The following PLAC1 variants were observed in gnomAD, a reference collection of about 807,000 sequenced individuals.
The protein encoded by PLAC1 is placenta-specific protein 1.
For synonymous variants in PLAC1, 68 were observed against 62.1 expected (o/e 1.09, Z -0.44); for missense variants, 136 against 163.2 (o/e 0.83, Z 0.91).
chrX:134,610,459 GT>G lies in PLAC1; in HGVS notation c.-130-8338del, dbSNP rs1259799680. On this transcript the variant is annotated intron_variant, in intron 1 of 2. Transcript: ENST00000359237. ...GCTTCCAGGAAACTAGATGAGAACA[GT>G]TTTCCTTGGTCCCTAATTTAGACTA... Among the ~76,000 whole-genome samples, 9 of 111,195 alleles carry G rather than the reference GT, an allele frequency of 8.1e-5. No homozygotes were observed. In the Admixed American group the frequency reaches 8.6e-4, roughly 11 times the overall value.
intron 2 of PLAC1, among the ~76,000 whole-genome samples, chrX:134,667,822 G>A: frequency 9.1e-6 from 1 of 109,787 alleles, no homozygotes; most frequent in Admixed American, 9.7e-5. Context: ...AGCTACTCAG[G>A]AGGCTGAAGC....
intron 1 of PLAC1, among the ~76,000 whole-genome samples, chrX:134,621,249 C>T (rs1166734409): frequency 2.7e-5 from 3 of 109,445 alleles, no homozygotes; most frequent in African/African-American, 1.0e-4. Flanking sequence ...AGTTCAAGAC[C>T]AGCCTGGCCA....
At chrX:134,759,962 G>A (rs1292375611) in intron 1 of PLAC1, among the ~76,000 whole-genome samples, 1 of 110,944 alleles carries the variant, frequency 9.0e-6, no homozygotes, top group Non-Finnish European at 1.9e-5. Flanking sequence ...GGGTTAAGGG[G>A]TACTTACAAA....
chrX:134,647,232 G>C (rs960771234), intron 1 of PLAC1, among the ~76,000 whole-genome samples: 1 of 111,756 alleles, frequency 8.9e-6, no homozygotes, highest in Non-Finnish European at 1.9e-5. Context: ...CAGCAGACTG[G>C]GCAGCTGGCC....
chrX:134,567,488 G>C (rs750875518), intron 2 of PLAC1, among the ~76,000 whole-genome samples: 3 of 111,687 alleles, frequency 2.7e-5, no homozygotes, highest in Non-Finnish European at 5.6e-5. Context: ...GAAAGGGGCG[G>C]CTTATGCCCA....
At chrX:134,699,201 A>G (rs2078574521) in intron 2 of PLAC1, among the ~76,000 whole-genome samples, 1 of 111,699 alleles carries the variant, frequency 9.0e-6, no homozygotes, top group Non-Finnish European at 1.9e-5. Context: ...CCAATCCAAC[A>G]GTATTAAGAG....
intron 1 of PLAC1, among the ~76,000 whole-genome samples, chrX:134,754,694 C>T (rs4529619): frequency 0.029 from 3,152 of 108,415 alleles, 48 homozygotes; most frequent in Middle Eastern, 0.077. Context: ...ATTTAATCAA[C>T]AGGCACTCAT....
chrX:134,571,653 C>CA (rs950739839), intron 2 of PLAC1, among the ~76,000 whole-genome samples: 4 of 111,411 alleles, frequency 3.6e-5, no homozygotes, highest in South Asian at 3.7e-4. Context: ...CTCAGGACCC[C>CA]AAAAAAATCC....
chrX:134,707,977 A>G (rs1478342120), intron 2 of PLAC1, among the ~76,000 whole-genome samples: 2 of 112,284 alleles, frequency 1.8e-5, no homozygotes, highest in African/African-American at 3.2e-5. Context: ...ACACAAAGAC[A>G]TAACTCTAAA....
At chrX:134,660,313 C>T (rs1202109234), upstream of PLAC1, among the ~76,000 whole-genome samples, 3 of 111,188 alleles carry the variant, frequency 2.7e-5, no homozygotes, top group Non-Finnish European at 5.7e-5. Flanking sequence ...ATCATGTTGG[C>T]CAGGCTGGTC....
intron 2 of PLAC1, among the ~76,000 whole-genome samples, chrX:134,721,425 A>C (rs1297364061): frequency 9.0e-6 from 1 of 111,312 alleles, no homozygotes; most frequent in Non-Finnish European, 1.9e-5. Flanking sequence ...AAATTAAAAA[A>C]TTAGCCAGTA....
intron 2 of PLAC1, among the ~76,000 whole-genome samples, chrX:134,722,214 C>T (rs980922466): frequency 1.8e-4 from 20 of 111,932 alleles, no homozygotes; most frequent in African/African-American, 6.5e-4. Flanking sequence ...TGTCATTGCA[C>T]TCGGCATAAA....
chrX:134,611,042 C>A (rs905627740), intron 1 of PLAC1, among the ~76,000 whole-genome samples: 2 of 109,268 alleles, frequency 1.8e-5, no homozygotes, highest in African/African-American at 6.8e-5. Context: ...CCATGGCTGG[C>A]TAATTTTTGT....
chrX:134,731,156 G>C (rs7881280), intron 2 of PLAC1, among the ~76,000 whole-genome samples: 11,301 of 111,590 alleles, frequency 0.1, 716 homozygotes, highest in Admixed American at 0.34. Flanking sequence ...TATTCCTGCA[G>C]CCTGACTTCA....
intron 2 of PLAC1, among the ~76,000 whole-genome samples, chrX:134,681,343 C>G (rs755743393): frequency 9.0e-6 from 1 of 110,735 alleles, no homozygotes; most frequent in Admixed American, 9.6e-5. Context: ...AATGAGGCTG[C>G]CTTGAAGGAT....
At chrX:134,625,937 T>G (rs2078235207) in intron 1 of PLAC1, among the ~76,000 whole-genome samples, 1 of 110,735 alleles carries the variant, frequency 9.0e-6, no homozygotes, top group Non-Finnish European at 1.9e-5. Context: ...TCACCATGCA[T>G]CCTCACTGGG....
intron 1 of PLAC1, among the ~76,000 whole-genome samples, chrX:134,658,006 G>A (rs2078400650): frequency 9.0e-6 from 1 of 111,700 alleles, no homozygotes; most frequent in Non-Finnish European, 1.9e-5. Context: ...GTGTGTGTGT[G>A]TGAATGTATG....
chrX:134,653,292 C>G (rs895423461), intron 1 of PLAC1, among the ~76,000 whole-genome samples: 2 of 112,319 alleles, frequency 1.8e-5, no homozygotes, highest in African/African-American at 6.5e-5. Context: ...ACCACCTGCT[C>G]ACCCTCCAGG....
intron 1 of PLAC1, among the ~76,000 whole-genome samples, chrX:134,755,069 T>A (rs1217759786): frequency 8.9e-6 from 1 of 111,895 alleles, no homozygotes; most frequent in East Asian, 2.8e-4. Flanking sequence ...TTATTTTTGA[T>A]CTAGGCACAC....
Sources: allele counts gnomAD v4.1 joint callset (sites outside exome capture counted in the v4.1 genomes callset), GRCh38; gene constraint gnomAD v4.1.1; transcripts MANE v1.5; gene names NCBI Gene and HGNC (gene_info 2026-07-23, HGNC 2026-07-21).